The following ACTR1A variants were observed in gnomAD, a reference collection of about 807,000 sequenced individuals.
The protein encoded by ACTR1A is actin related protein 1A.
ACTR1A carries 10 observed loss-of-function variants against 50.7 expected under a neutral mutation model. The ratio of observed to expected loss-of-function variants is 0.20; its 90% CI spans 0.12 to 0.33. The LOEUF is 0.33. Ranked by LOEUF, ACTR1A falls within the 10% of genes least tolerant of loss-of-function variation. ACTR1A has a pLI of 1.00. For synonymous variants in ACTR1A, 177 were observed against 184.2 expected (o/e 0.96, Z 0.32); for missense variants, 253 against 491.7 (o/e 0.51, Z 4.59).
intron 1 of ACTR1A, among the ~76,000 whole-genome samples, chr10:102,494,433 G>A (rs1480086713): frequency 1.3e-5 from 2 of 152,166 alleles, no homozygotes; most frequent in Non-Finnish European, 2.9e-5. Context: ...GGGAGGTCGA[G>A]ACCAGCCTGC....
At chr10:102,492,196 G>A (rs989798434) in intron 1 of ACTR1A, among the ~76,000 whole-genome samples, 1 of 148,964 alleles carries the variant, frequency 6.7e-6, no homozygotes, top group Non-Finnish European at 1.5e-5. Context: ...TCAGCCTCCT[G>A]AATAGCTGGG....
intron 10 of ACTR1A, 31 bp downstream of exon 10, chr10:102,481,101 T>C (rs1389747705): frequency 6.2e-7 from 1 of 1,605,910 alleles, no homozygotes; most frequent in Non-Finnish European, 8.5e-7. Flanking sequence ...TCACTTCCTG[T>C]TCTGTTCTTA....
intron 4 of ACTR1A, among the ~76,000 whole-genome samples, chr10:102,486,992 G>C (rs560199187): frequency 6.7e-6 from 1 of 150,330 alleles, no homozygotes; most frequent in South Asian, 2.1e-4. Context: ...GTGGTGTTTC[G>C]CCATGCTGCC....
At chr10:102,495,821 C>T (rs1385182403) in intron 1 of ACTR1A, among the ~76,000 whole-genome samples, 1 of 137,472 alleles carries the variant, frequency 7.3e-6, no homozygotes, top group East Asian at 2.4e-4. Flanking sequence ...AGTGCAGTGG[C>T]GTGATCTCGG....
rs567626841 is a variant in ACTR1A, at chr10:102,482,976, C to A, written c.750+35G>T. The A allele has an allele frequency of 9.7e-6, 15 of 1,553,148 alleles. No individual in the cohort carries two copies. The South Asian group carries it at 1.3e-4, about 14-fold the overall frequency. ...GGTTGGGCCCAGAGCTTTTGTGGAC[C>A]TAAGGGGACCGAAGAAAGAAGGCAG... On this transcript the variant is annotated intron_variant, in intron 7 of 10. Coordinates refer to ENST00000369905, the MANE Select transcript of ACTR1A (RefSeq NM_005736.4). This position sits in a 1 kb window ranked among gnomAD's most constrained non-coding sequence, Gnocchi z 5.6.
chr10:102,496,777 T>A (rs191917987), intron 1 of ACTR1A, among the ~76,000 whole-genome samples: 11 of 152,236 alleles, frequency 7.2e-5, no homozygotes, highest in East Asian at 5.8e-4. Flanking sequence ...AAAAGAAAAA[T>A]TTTTTTAGAC....
Position 102,481,174 on chromosome 10 carries a change from T to C in ACTR1A, c.988-2A>G. ...CAGTCTCTCCTGAGGTGCAGATATC[T>C]GCAAAGGTGGGGGAAAGAGGAATCT... is the stretch of plus-strand genomic sequence containing the variant. On this transcript the variant is annotated splice_acceptor_variant, in intron 9 of 10. Transcript: ENST00000369905. LOFTEE classifies it high-confidence loss of function. 1 of 1,590,458 alleles carries C rather than the reference T, an allele frequency of 6.3e-7. No individual in the cohort carries two copies. The highest frequency in any genetic ancestry group is 8.6e-7 in the Non-Finnish European group (1 of 1,168,582).
At chr10:102,481,316 C>G (rs1391915548) in intron 9 of ACTR1A, 144 bp from the exon 10 acceptor site, 8 of 845,314 alleles carry the variant, frequency 9.5e-6, no homozygotes, top group Non-Finnish European at 1.4e-5. Flanking sequence ...CTGTGGCCAG[C>G]CTGCCACTCA....
intron 1 of ACTR1A, among the ~76,000 whole-genome samples, chr10:102,499,076 C>T (rs2062235629): frequency 6.6e-6 from 1 of 152,074 alleles, no homozygotes; most frequent in African/African-American, 2.4e-5. Flanking sequence ...TCACAATTGT[C>T]TTATGATTGG....
chr10:102,484,042 G>A, intron 6 of ACTR1A, 118 bp downstream of exon 6: 1 of 889,486 alleles, frequency 1.1e-6, no homozygotes, highest in East Asian at 2.5e-5. Context: ...GAAGAACAAG[G>A]CCTCACCAGG....
intron 5 of ACTR1A, 62 bp downstream of exon 5, chr10:102,485,547 G>A: frequency 3.1e-6 from 5 of 1,604,048 alleles, no homozygotes; most frequent in Non-Finnish European, 4.3e-6. Context: ...AGGAGAGCCA[G>A]CCTCAGCTGT....
intron 5 of ACTR1A, among the ~76,000 whole-genome samples, chr10:102,485,362 A>G (rs561431528): frequency 2.7e-4 from 41 of 152,292 alleles, no homozygotes; most frequent in African/African-American, 9.1e-4. Flanking sequence ...GGCCTTGGGG[A>G]CCAAACCCAC....
At chr10:102,501,663 T>C (rs1227622790) in intron 1 of ACTR1A, among the ~76,000 whole-genome samples, 1 of 152,228 alleles carries the variant, frequency 6.6e-6, no homozygotes, top group Non-Finnish European at 1.5e-5. Context: ...AGGGCACCTC[T>C]GCTATGTGAC....
At position 102,482,759 on chromosome 10, in the gene ACTR1A, C is replaced by T. The variant is rs2062150004; in HGVS notation, c.750+252G>A. 1 of 519,536 alleles carries T rather than the reference C, an allele frequency of 1.9e-6. No homozygotes were observed. Among genetic ancestry groups the T allele is most frequent in the Admixed American group, 3.2e-5 (1 of 30,968 alleles). The allele number at this position is 519,536 out of a possible 1,614,324, so 32.2% of individuals were successfully genotyped here. On this transcript the variant is annotated intron_variant, in intron 7 of 10. Coordinates refer to ENST00000369905, the MANE Select transcript of ACTR1A (RefSeq NM_005736.4). The surrounding 1 kb of genome is among the most constrained non-coding windows in gnomAD (Gnocchi z 5.6). ...TTGGGCCACACATAATATACACTAA[C>T]ACTAATGACAGCTGCTGAGCTAAAA...
rs139352904 is a variant in ACTR1A, at chr10:102,484,208, G to A, written c.609C>T (p.Tyr203=). The change falls in exon 6 of 11, where the codon TAC becomes TAT. Residue 203 remains tyrosine (Y), a synonymous_variant. Coordinates refer to ENST00000369905, the MANE Select transcript of ACTR1A (RefSeq NM_005736.4). ...FLRLYLRKEG[Y]DFHSSSEFEI... is the part of the protein sequence containing the mutation. ...CAAACTCAGAGGATGAGTGGAAGTC[G>A]TAGCCCTCCTTACGCAGGTAGAGGC... The A allele has an allele frequency of 1.6e-5, 26 of 1,614,068 alleles. 1 individual carries two copies. The highest frequency in any genetic ancestry group is 5.0e-5 in the Admixed American group (3 of 60,010).
rs553216148 is a variant in ACTR1A, at chr10:102,482,375, T to C, written c.751-200A>G. On this transcript the variant is annotated intron_variant, in intron 7 of 10. Coordinates refer to ENST00000369905, the MANE Select transcript of ACTR1A (RefSeq NM_005736.4). This position sits in a 1 kb window ranked among gnomAD's most constrained non-coding sequence, Gnocchi z 5.6. ...AACTAGTGAGGGGAGGCTCCTATAT[T>C]TCCTTCTCGCTCTGGCATTTTCCAG... 1.7e-6 allele frequency: 1 copy of C among 595,122 alleles called. No homozygotes were observed. Among genetic ancestry groups the C allele is most frequent in the African/African-American group, 1.9e-5 (1 of 53,918 alleles). 36.9% of individuals were successfully genotyped at this position (595,122 alleles called of 1,614,324 possible).
At chr10:102,502,497 G>A (rs2062263060) in intron 1 of ACTR1A, 103 bp downstream of exon 1, 3 of 1,299,352 alleles carry the variant, frequency 2.3e-6, no homozygotes, top group South Asian at 1.2e-5. Flanking sequence ...CTGACAGGCC[G>A]GGCCAGTGAC....
chr10:102,483,985 G>A (rs1321814729), intron 6 of ACTR1A, 175 bp downstream of exon 6: 4 of 608,640 alleles, frequency 6.6e-6, no homozygotes, highest in Admixed American at 2.9e-5. Context: ...ATGGCAGCAC[G>A]TCAGGAAGGC....
In ACTR1A at chr10:102,479,532, C is replaced by A; in HGVS notation, c.*1331G>T. The A allele has an allele frequency of 1.8e-6, 2 of 1,081,968 alleles. No individual in the cohort carries two copies. Among genetic ancestry groups the A allele is most frequent in the Non-Finnish European group, 2.5e-6 (2 of 811,474 alleles). 67.0% of individuals were successfully genotyped at this position (1,081,968 alleles called of 1,614,324 possible). ...AAGACAGGCTGGCCCCAGCTTTGCA[C>A]CATCTAGGCTGAAGGCCTTTGGACC... On this transcript the variant is annotated 3_prime_UTR_variant, in exon 11 of 11. Transcript: ENST00000369905. This position sits in a 1 kb window ranked among gnomAD's most constrained non-coding sequence, Gnocchi z 4.0.
Sources: gnomAD v4.1 joint callset for allele counts (sites outside exome capture counted in the v4.1 genomes callset) on GRCh38, gnomAD v4.1.1 for gene constraint, Gnocchi (gnomAD v3.1) non-coding constraint, MANE v1.5 for transcripts, NCBI Gene and HGNC (gene_info 2026-07-23, HGNC 2026-07-21) for gene names.